MBNL2: variants seen among roughly 807,000 people sequenced by gnomAD.
The protein encoded by MBNL2 is muscleblind like splicing regulator 2, also known as muscleblind-like protein 2.
In MBNL2, 17 loss-of-function variants were observed where a neutral mutation model predicts 41.9. The observed-to-expected ratio is 0.41, with a 90% CI of 0.28 to 0.61. The LOEUF is 0.61. Ranked by LOEUF, MBNL2 falls within the 20% of genes least tolerant of loss-of-function variation. The pLI, the probability that MBNL2 is intolerant of heterozygous loss-of-function variation, is 0.35. For missense variants in MBNL2, 336 were observed against 505.6 expected (o/e 0.66, Z 3.22); for synonymous variants, 195 against 182.9 (o/e 1.07, Z -0.53).
chr13:97,241,357 C>A (rs1057041947), intron 1 of MBNL2, among the ~76,000 whole-genome samples: 2 of 152,088 alleles, frequency 1.3e-5, no homozygotes, highest in Non-Finnish European at 2.9e-5. Flanking sequence ...TCCATTTGAT[C>A]AGCACACAGG....
intron 2 of MBNL2, among the ~76,000 whole-genome samples, chr13:97,299,965 G>A (rs1436821889): frequency 6.6e-6 from 1 of 152,128 alleles, no homozygotes; most frequent in Non-Finnish European, 1.5e-5. Flanking sequence ...GATGTTGGGG[G>A]TGTTCTTCCA....
chr13:97,179,806 G>A, the MBNL2 span, among the ~76,000 whole-genome samples: 1 of 152,180 alleles, frequency 6.6e-6, no homozygotes, highest in African/African-American at 2.4e-5. Flanking sequence ...ATGTCAAGGG[G>A]ACAGAAGAAG....
At chr13:97,228,885 C>T (rs375165650) in intron 1 of MBNL2, among the ~76,000 whole-genome samples, 13 of 151,914 alleles carry the variant, frequency 8.6e-5, no homozygotes, top group African/African-American at 2.9e-4. Flanking sequence ...TCAATGAAAA[C>T]TCAAATTGAG....
At chr13:97,301,256 G>C (rs1028457002) in intron 2 of MBNL2, among the ~76,000 whole-genome samples, 1 of 152,130 alleles carries the variant, frequency 6.6e-6, no homozygotes, top group African/African-American at 2.4e-5. Context: ...TTTTGCCTGC[G>C]TTACTCCATT....
At chr13:97,275,604 A>T (rs2152927731) in intron 1 of MBNL2, 28 bp from the exon 2 acceptor site, 1 of 152,326 alleles carries the variant, frequency 6.6e-6, no homozygotes, top group East Asian at 1.9e-4. Context: ...GTTTGTGTAA[A>T]GGTTAATATT....
chr13:97,285,038 T>C lies in MBNL2; in HGVS notation c.174+8629T>C, dbSNP rs971473221. Among the ~76,000 whole-genome samples, 3 of 152,254 alleles carry C rather than the reference T, an allele frequency of 2.0e-5. No individual in the cohort carries two copies. The East Asian group carries it at 5.8e-4, about 29-fold the overall frequency. On this transcript the variant is annotated intron_variant, in intron 2 of 8. Transcript: ENST00000679496. ...AGGAGAAAGAAAGAAATATTTATCA[T>C]GTTACAGGATTTGTGTAATATTCTA...
chr13:97,157,809 G>C, the MBNL2 span, among the ~76,000 whole-genome samples: 1 of 151,850 alleles, frequency 6.6e-6, no homozygotes, highest in Non-Finnish European at 1.5e-5. Flanking sequence ...GTATTTGATT[G>C]AGGATTTTTG....
chr13:97,148,537 G>A, the MBNL2 span, among the ~76,000 whole-genome samples: 1 of 152,152 alleles, frequency 6.6e-6, no homozygotes, highest in African/African-American at 2.4e-5. Context: ...CCAATAATCA[G>A]GGGAGGCTAT....
At chr13:97,251,473 G>A (rs2046482484) in intron 1 of MBNL2, among the ~76,000 whole-genome samples, 1 of 152,100 alleles carries the variant, frequency 6.6e-6, no homozygotes, top group African/African-American at 2.4e-5. Flanking sequence ...CTTTTTGCTG[G>A]AGATTAATAG....
intron 3 of MBNL2, among the ~76,000 whole-genome samples, chr13:97,335,511 C>G (rs2060804712): frequency 6.6e-6 from 1 of 152,036 alleles, no homozygotes; most frequent in African/African-American, 2.4e-5. Context: ...GTAGAGAATT[C>G]CGGCAGGTTG....
Position 97,276,173 on chromosome 13 carries a change from C to A in MBNL2, c.-63C>A, listed in dbSNP as rs2052093319. ...GTTTTCACAACAGTAGTTTTGGAATCATTAGAACTTGGATTGATTTCATCA... is the reference window on the plus strand; with the variant it reads ...GTTTTCACAACAGTAGTTTTGGAATAATTAGAACTTGGATTGATTTCATCA... On this transcript the variant is annotated 5_prime_UTR_variant, in exon 2 of 9. Transcript: ENST00000679496. 1 of 1,293,714 alleles carries A rather than the reference C, an allele frequency of 7.7e-7. No individual in the cohort carries two copies. Among genetic ancestry groups the A allele is most frequent in the Non-Finnish European group, 1.1e-6 (1 of 901,422 alleles). 80.1% of individuals were successfully genotyped at this position (1,293,714 alleles called of 1,614,324 possible). A position where few individuals can be genotyped will look rare whatever the true frequency, so the allele number is the denominator to read the frequency against.
chr13:97,292,886 G>T (rs2056400563), intron 2 of MBNL2, among the ~76,000 whole-genome samples: 1 of 151,386 alleles, frequency 6.6e-6, no homozygotes, highest in African/African-American at 2.4e-5. Flanking sequence ...TACTCTATCA[G>T]TCTTCTCCCT....
intron 3 of MBNL2, among the ~76,000 whole-genome samples, chr13:97,336,825 A>T (rs1053126236): frequency 2.0e-5 from 3 of 152,206 alleles, no homozygotes; most frequent in East Asian, 1.9e-4. Flanking sequence ...AGATGCAAAA[A>T]CTGCATAAGA....
chr13:97,156,811 G>C, the MBNL2 span, among the ~76,000 whole-genome samples: 1 of 152,170 alleles, frequency 6.6e-6, no homozygotes, highest in Non-Finnish European at 1.5e-5. Context: ...TTGTAGTATA[G>C]TTTGAAATCA....
intron 2 of MBNL2, among the ~76,000 whole-genome samples, chr13:97,325,051 TCAATC>T (rs2059803864): frequency 6.6e-6 from 1 of 152,172 alleles, no homozygotes; most frequent in South Asian, 2.1e-4. Flanking sequence ...TTTGCATCCT[TCAATC>T]CAATCAAGTT....
At chr13:97,316,355 C>T (rs538038509) in intron 2 of MBNL2, among the ~76,000 whole-genome samples, 18 of 152,338 alleles carry the variant, frequency 1.2e-4, no homozygotes, top group East Asian at 7.7e-4. Flanking sequence ...CTGGCCCCTT[C>T]GGTCCATTCT....
At chr13:97,281,951 C>T (rs1235266917) in intron 2 of MBNL2, among the ~76,000 whole-genome samples, 1 of 152,044 alleles carries the variant, frequency 6.6e-6, no homozygotes, top group African/African-American at 2.4e-5. Flanking sequence ...ATTCCCTTCT[C>T]GTAACTGCTC....
At chr13:97,347,118 G>C (rs1440196233) in intron 5 of MBNL2, 51 bp downstream of exon 5, 1 of 1,386,664 alleles carries the variant, frequency 7.2e-7, no homozygotes, top group South Asian at 1.5e-5. Flanking sequence ...TGCGGAGGCC[G>C]CTCCGGGCTG....
intron 1 of MBNL2, among the ~76,000 whole-genome samples, chr13:97,271,265 G>T (rs990109703): frequency 1.3e-5 from 2 of 151,686 alleles, no homozygotes; most frequent in Non-Finnish European, 2.9e-5. Flanking sequence ...ACAGGCGTGT[G>T]CCAGGCTAAT....
Sources: gnomAD v4.1 joint callset for allele counts (sites outside exome capture counted in the v4.1 genomes callset) on GRCh38, gnomAD v4.1.1 for gene constraint, MANE v1.5 for transcripts, NCBI Gene and HGNC (gene_info 2026-07-23, HGNC 2026-07-21) for gene names.